The following SGCZ variants were observed in gnomAD, a reference collection of about 807,000 sequenced individuals.
SGCZ encodes sarcoglycan zeta, also known as zeta-sarcoglycan.
A neutral mutation model predicts 41.3 loss-of-function variants in SGCZ; 40 were observed. The observed-to-expected ratio is 0.97, with a 90% CI of 0.75 to 1.26. The LOEUF is 1.26. Ranked by LOEUF, SGCZ falls within the 50% of genes most tolerant of loss-of-function variation. SGCZ has a pLI of 0.00. For synonymous variants in SGCZ, 206 were observed against 137.5 expected, an observed-to-expected ratio of 1.50 and a Z score of -3.49; for missense variants, 552 against 369.8, an observed-to-expected ratio of 1.49 and a Z score of -4.04.
At position 14,818,345 on chromosome 8, in the gene SGCZ, C is replaced by T. The variant is rs56339693; in HGVS notation, c.40-263419G>A. ...CATCACAAACTGTACAGCCTACCCACTGAGGCAATTGCAGACATTGCTAAT... is the reference window on the plus strand; with the variant it reads ...CATCACAAACTGTACAGCCTACCCATTGAGGCAATTGCAGACATTGCTAAT... On this transcript the variant is annotated intron_variant, in intron 1 of 7. Coordinates refer to ENST00000382080, the MANE Select transcript of SGCZ (RefSeq NM_139167.4). Among the ~76,000 whole-genome samples the T allele has an allele frequency of 1.2e-4, 18 of 152,312 alleles. No homozygotes were observed. In the South Asian group the frequency reaches 3.5e-3, roughly 30 times the overall value.
intron 2 of SGCZ, among the ~76,000 whole-genome samples, chr8:14,375,679 A>G (rs1337034882): frequency 1.3e-5 from 2 of 152,184 alleles, no homozygotes; most frequent in Non-Finnish European, 2.9e-5. Flanking sequence ...ACTGTGGAAA[A>G]TAACACCTCA....
intron 1 of SGCZ, among the ~76,000 whole-genome samples, chr8:14,873,116 G>C (rs1439408200): frequency 1.3e-5 from 2 of 152,222 alleles, no homozygotes; most frequent in East Asian, 3.9e-4. Flanking sequence ...CTTAATAATG[G>C]AGTGAAGTGT....
intron 1 of SGCZ, among the ~76,000 whole-genome samples, chr8:15,229,385 G>T (rs1419114942): frequency 6.6e-6 from 1 of 152,130 alleles, no homozygotes; most frequent in Non-Finnish European, 1.5e-5. Flanking sequence ...ATATTATGAG[G>T]CTAGGAATTA....
chr8:14,536,885 G>A (rs35471283), intron 2 of SGCZ, among the ~76,000 whole-genome samples: 33,591 of 151,850 alleles, frequency 0.22, 4,682 homozygotes, highest in Non-Finnish European at 0.32. Context: ...GAGCAGAGAA[G>A]TGACCTGCTA....
chr8:14,205,139 C>A (rs960191119), intron 4 of SGCZ, among the ~76,000 whole-genome samples: 1 of 150,734 alleles, frequency 6.6e-6, no homozygotes, highest in African/African-American at 2.4e-5. Context: ...AGCCTTTAAT[C>A]GACTACACAC....
chr8:14,712,692 A>G (rs936679467), intron 1 of SGCZ, among the ~76,000 whole-genome samples: 6 of 152,074 alleles, frequency 3.9e-5, no homozygotes, highest in Non-Finnish European at 8.8e-5. Flanking sequence ...CGGCCATAAA[A>G]CGGTCTAATG....
intron 7 of SGCZ, among the ~76,000 whole-genome samples, chr8:14,099,559 T>C (rs1801947238): frequency 6.6e-6 from 1 of 152,088 alleles, no homozygotes; most frequent in African/African-American, 2.4e-5. Context: ...ACCCTGTCTC[T>C]TCTAAAAGTA....
At chr8:14,422,312 T>A (rs1426753287) in intron 2 of SGCZ, among the ~76,000 whole-genome samples, 1 of 152,188 alleles carries the variant, frequency 6.6e-6, no homozygotes, top group Admixed American at 6.6e-5. Context: ...GTAGAATCTG[T>A]TAGGATATTT....
chr8:14,461,503 T>A (rs751533001), intron 2 of SGCZ, among the ~76,000 whole-genome samples: 2 of 152,070 alleles, frequency 1.3e-5, no homozygotes, highest in Non-Finnish European at 1.5e-5. Flanking sequence ...ACCTACTGAA[T>A]TAGAGACTGC....
intron 1 of SGCZ, among the ~76,000 whole-genome samples, chr8:14,809,953 A>G (rs544506694): frequency 2.0e-5 from 3 of 152,264 alleles, no homozygotes; most frequent in African/African-American, 4.8e-5. Context: ...CTATTTAACT[A>G]TATGGTTTTT....
chr8:15,225,023 G>A (rs1801723647), intron 1 of SGCZ, among the ~76,000 whole-genome samples: 1 of 152,046 alleles, frequency 6.6e-6, no homozygotes. Flanking sequence ...TCTCTAATTT[G>A]TAGTTTAAAC....
At chr8:14,118,287 G>C (rs1440152035) in intron 5 of SGCZ, among the ~76,000 whole-genome samples, 1 of 150,366 alleles carries the variant, frequency 6.7e-6, no homozygotes, top group Admixed American at 6.6e-5. Flanking sequence ...TAACTGGATT[G>C]AGGTGGTTTT....
intron 1 of SGCZ, among the ~76,000 whole-genome samples, chr8:14,619,414 A>T (rs1806211397): frequency 6.6e-6 from 1 of 152,074 alleles, no homozygotes; most frequent in Non-Finnish European, 1.5e-5. Context: ...ACTCCTATTC[A>T]ACATAATGTT....
chr8:14,606,807 G>A (rs1228157973), intron 1 of SGCZ, among the ~76,000 whole-genome samples: 1 of 152,062 alleles, frequency 6.6e-6, no homozygotes, highest in Non-Finnish European at 1.5e-5. Context: ...TTTATTTTTT[G>A]TTGCTGTTAT....
At chr8:14,763,281 T>C (rs1208007620) in intron 1 of SGCZ, among the ~76,000 whole-genome samples, 2 of 152,130 alleles carry the variant, frequency 1.3e-5, no homozygotes, top group African/African-American at 4.8e-5. Flanking sequence ...AGCCACACTT[T>C]ACACCAAAAA....
chr8:14,103,103 A>T (rs1802085253), intron 6 of SGCZ, among the ~76,000 whole-genome samples: 1 of 152,182 alleles, frequency 6.6e-6, no homozygotes, highest in Non-Finnish European at 1.5e-5. Context: ...TGAAATGTCC[A>T]CAGAATGAGT....
intron 2 of SGCZ, among the ~76,000 whole-genome samples, chr8:14,437,653 A>G (rs1313867561): frequency 1.3e-5 from 2 of 151,932 alleles, no homozygotes; most frequent in Non-Finnish European, 2.9e-5. Flanking sequence ...AGAATCCTCA[A>G]TAACATTAAA....
chr8:15,007,852 A>T (rs1802660178), intron 1 of SGCZ, among the ~76,000 whole-genome samples: 1 of 152,236 alleles, frequency 6.6e-6, no homozygotes, highest in African/African-American at 2.4e-5. Flanking sequence ...AAACTTACAT[A>T]TGAGAACTAT....
chr8:15,224,504 T>C (rs1046484855), intron 1 of SGCZ, among the ~76,000 whole-genome samples: 2 of 152,132 alleles, frequency 1.3e-5, no homozygotes, highest in South Asian at 2.1e-4. Flanking sequence ...GCTACTACCA[T>C]ACGTACCTCA....
Sources: gnomAD v4.1 joint callset for allele counts (sites outside exome capture counted in the v4.1 genomes callset) on GRCh38, gnomAD v4.1.1 for gene constraint, MANE v1.5 for transcripts, NCBI Gene and HGNC (gene_info 2026-07-23, HGNC 2026-07-21) for gene names.